RFTN1: variants seen among roughly 807,000 people sequenced by gnomAD.
The protein encoded by RFTN1 is raftlin, lipid raft linker 1, also known as raftlin.
A neutral mutation model predicts 46.5 loss-of-function variants in RFTN1; 26 were observed. The observed-to-expected ratio is 0.56, with a 90% CI of 0.41 to 0.78. The LOEUF (loss-of-function observed/expected upper bound fraction) is 0.78, where lower values mean the gene tolerates loss of function less well. Among genes scored for constraint, RFTN1 ranks in the 30% least tolerant of loss-of-function variants. The probability of loss-of-function intolerance (pLI) is 0.00; values close to 1 mark genes in which losing one functional copy is unlikely to be tolerated. For missense variants in RFTN1, 693 were observed against 718.7 expected (o/e 0.96, Z 0.41); for synonymous variants, 261 against 284.2 (o/e 0.92, Z 0.82).
intron 2 of RFTN1, among the ~76,000 whole-genome samples, chr3:16,454,263 T>C (rs929427115): frequency 6.6e-6 from 1 of 152,242 alleles, no homozygotes; most frequent in African/African-American, 2.4e-5. Flanking sequence ...TTGCCCCACA[T>C]TGGTCTTATC....
chr3:16,325,435 T>A (rs2069595619), intron 8 of RFTN1, among the ~76,000 whole-genome samples: 1 of 152,194 alleles, frequency 6.6e-6, no homozygotes, highest in South Asian at 2.1e-4. Flanking sequence ...TGGGCTTAGG[T>A]GGCTCAGAAC....
intron 6 of RFTN1, among the ~76,000 whole-genome samples, chr3:16,360,526 A>C (rs1309179111): frequency 2.0e-5 from 3 of 152,210 alleles, no homozygotes; most frequent in Non-Finnish European, 4.4e-5. Flanking sequence ...TGATATGCAA[A>C]AGTTTACAGT....
intron 2 of RFTN1, among the ~76,000 whole-genome samples, chr3:16,445,290 A>C (rs953885790): frequency 6.6e-6 from 1 of 152,140 alleles, no homozygotes; most frequent in Non-Finnish European, 1.5e-5. Context: ...AATTCAAGGA[A>C]GAGAAAAAGA....
chr3:16,335,554 G>C lies in RFTN1; in HGVS notation c.1147-8678C>G, dbSNP rs2070761310. 6.6e-6 allele frequency among the ~76,000 whole-genome samples: 1 copy of C among 152,198 alleles called. No individual in the cohort carries two copies. Among genetic ancestry groups the C allele is most frequent in the African/African-American group, 2.4e-5 (1 of 41,436 alleles). On this transcript the variant is annotated intron_variant, in intron 7 of 9. Transcript: ENST00000334133. This position sits in a 1 kb window ranked among gnomAD's most constrained non-coding sequence, Gnocchi z 4.7. ...CATGTTCTCACTTACAAGTGGGAGA[G>C]CTGAACGGTGAAAACACATGTGAAA...
Position 16,370,257 on chromosome 3 carries a change from G to A in RFTN1, c.849C>T (p.Phe283=), listed in dbSNP as rs1407829256. 6.2e-6 allele frequency: 10 copies of A among 1,614,074 alleles called. No homozygotes were observed. The African/African-American group carries it at 1.3e-4, about 22-fold the overall frequency. The change falls in exon 6 of 10, where the codon TTC becomes TTT. Residue 283 remains phenylalanine (F), a synonymous_variant. Transcript: ENST00000334133. This position sits in a 1 kb window ranked among gnomAD's most constrained non-coding sequence, Gnocchi z 5.5. ...LSGKMEIFTL[F]NKPKSHQKCR... The stretch of plus-strand genomic sequence containing the variant: ...ACTTCTGATGGCTCTTCGGTTTGTT[G>A]AAAAGGGTGAAGATCTCCATTTCTG...
intron 4 of RFTN1, among the ~76,000 whole-genome samples, chr3:16,389,197 A>C (rs1292927925): frequency 6.6e-6 from 1 of 152,238 alleles, no homozygotes; most frequent in Non-Finnish European, 1.5e-5. Flanking sequence ...TTGCTATCCT[A>C]GTTTTAACCC....
At chr3:16,319,810 G>A (rs979646297) in intron 9 of RFTN1, among the ~76,000 whole-genome samples, 2 of 152,248 alleles carry the variant, frequency 1.3e-5, no homozygotes, top group South Asian at 2.1e-4. Flanking sequence ...GGCCTGGACT[G>A]TGCCAGATTT....
intron 1 of RFTN1, among the ~76,000 whole-genome samples, chr3:16,497,478 T>C (rs1197706761): frequency 6.6e-6 from 1 of 152,222 alleles, no homozygotes; most frequent in Non-Finnish European, 1.5e-5. Context: ...CAGCTTCTAA[T>C]GGGTAGCGGC....
At chr3:16,492,280 C>T (rs138696198) in intron 2 of RFTN1, among the ~76,000 whole-genome samples, 1 of 152,298 alleles carries the variant, frequency 6.6e-6, no homozygotes, top group East Asian at 1.9e-4. Flanking sequence ...CAATTGGAGC[C>T]TCCGCACGGA....
Position 16,481,051 on chromosome 3 carries a change from G to A in RFTN1, c.145+12674C>T, listed in dbSNP as rs1027873991. 6.6e-6 allele frequency among the ~76,000 whole-genome samples: 1 copy of A among 150,490 alleles called. No homozygotes were observed. The highest frequency in any genetic ancestry group is 1.5e-5 in the Non-Finnish European group (1 of 67,782). On this transcript the variant is annotated intron_variant, in intron 2 of 9. Transcript: ENST00000334133. The surrounding 1 kb of genome is among the most constrained non-coding windows in gnomAD (Gnocchi z 5.1). ...CACACCTGAGCCCATTTTCATACAA[G>A]ACTGAGTAGTGTTGCTTCTTGGTCT...
intron 2 of RFTN1, among the ~76,000 whole-genome samples, chr3:16,469,767 T>G (rs2076162898): frequency 6.6e-6 from 1 of 152,186 alleles, no homozygotes; most frequent in Non-Finnish European, 1.5e-5. Context: ...TTTCCCTCCT[T>G]GCACAACAGC....
intron 4 of RFTN1, among the ~76,000 whole-genome samples, chr3:16,398,052 C>A (rs1027637775): frequency 1.3e-5 from 2 of 151,894 alleles, no homozygotes. Context: ...CGAGACCAGC[C>A]TGCCCAAAAT....
chr3:16,494,818 T>C lies in RFTN1; in HGVS notation c.-8-941A>G, dbSNP rs1385917111. 2.6e-5 allele frequency among the ~76,000 whole-genome samples: 4 copies of C among 152,244 alleles called. No individual in the cohort carries two copies. In the East Asian group the frequency reaches 7.7e-4, roughly 29 times the overall value. ...GGATAAACGATGCTTTCCTCCTCTC[T>C]GGGGTACCACTGCTGCCATCAGAAC... is the stretch of plus-strand genomic sequence containing the variant. On this transcript the variant is annotated intron_variant, in intron 1 of 9. Transcript: ENST00000334133.
At chr3:16,438,483 G>C (rs1308094157) in intron 2 of RFTN1, among the ~76,000 whole-genome samples, 1 of 150,526 alleles carries the variant, frequency 6.6e-6, no homozygotes, top group Non-Finnish European at 1.5e-5. Context: ...TACTCAGGGG[G>C]CTGAGGAGGG....
Position 16,341,091 on chromosome 3 carries a change from A to C in RFTN1, c.1147-14215T>G, listed in dbSNP as rs747309990. Reference sequence around the variant, plus strand: ...ACATCATATGTCATTAGGGAAATGCAAATAAGACAGTCCACCTTAGAATGA... The same window carrying C: ...ACATCATATGTCATTAGGGAAATGCCAATAAGACAGTCCACCTTAGAATGA... On this transcript the variant is annotated intron_variant, in intron 7 of 9. Transcript: ENST00000334133. The surrounding 1 kb of genome is among the most constrained non-coding windows in gnomAD (Gnocchi z 4.7). Among the ~76,000 whole-genome samples, 1 of 152,256 alleles carries C rather than the reference A, an allele frequency of 6.6e-6. No homozygotes were observed. The highest frequency in any genetic ancestry group is 1.5e-5 in the Non-Finnish European group (1 of 68,040).
Position 16,345,122 on chromosome 3 carries a change from T to G in RFTN1, c.1146+12810A>C, listed in dbSNP as rs2071555485. The G allele has an allele frequency of 1.3e-5, 2 of 152,244 alleles. No individual in the cohort carries two copies. Among genetic ancestry groups the G allele is most frequent in the Admixed American group, 6.5e-5 (1 of 15,282 alleles). 9.4% of individuals were successfully genotyped at this position (152,244 alleles called of 1,614,324 possible). On this transcript the variant is annotated intron_variant, in intron 7 of 9. Coordinates refer to ENST00000334133, the MANE Select transcript of RFTN1 (RefSeq NM_015150.2). This position sits in a 1 kb window ranked among gnomAD's most constrained non-coding sequence, Gnocchi z 5.2. ...AACCTAAGTGAGCTTGGAAGTGGAT[T>G]CTTCCCCACCAAAACCTCTAATAAG...
At chr3:16,476,103 AGTCT>A (rs1310458935) in intron 2 of RFTN1, among the ~76,000 whole-genome samples, 5 of 152,214 alleles carry the variant, frequency 3.3e-5, no homozygotes, top group Non-Finnish European at 7.3e-5. Context: ...TTCTGATCCA[AGTCT>A]GACCTGTGTG....
chr3:16,410,986 C>T lies in RFTN1; in HGVS notation c.333-1503G>A, dbSNP rs889443042. 1.3e-5 allele frequency among the ~76,000 whole-genome samples: 2 copies of T among 152,200 alleles called. No homozygotes were observed. Among genetic ancestry groups the T allele is most frequent in the East Asian group, 3.8e-4 (2 of 5,200 alleles). On this transcript the variant is annotated intron_variant, in intron 3 of 9. Coordinates refer to ENST00000334133, the MANE Select transcript of RFTN1 (RefSeq NM_015150.2). This position sits in a 1 kb window ranked among gnomAD's most constrained non-coding sequence, Gnocchi z 4.6. ...GTACTGCAGCTAAAGGCTGGCAGAA[C>T]GTGCTGTCTCTTCTAGGTGGCTGGT...
chr3:16,507,366 A>G lies in RFTN1; in HGVS notation c.-9+6076T>C, dbSNP rs1309887343. Among the ~76,000 whole-genome samples the G allele has an allele frequency of 6.6e-6, 1 of 152,198 alleles. No individual in the cohort carries two copies. Among genetic ancestry groups the G allele is most frequent in the Non-Finnish European group, 1.5e-5 (1 of 68,040 alleles). The stretch of plus-strand genomic sequence containing the variant: ...CCAAAAGACCTCTCTAAATTAAAGA[A>G]GTGTTTAAATAAACAACCTGATTTC... On this transcript the variant is annotated intron_variant, in intron 1 of 9. Transcript: ENST00000334133. The surrounding 1 kb of genome is among the most constrained non-coding windows in gnomAD (Gnocchi z 7.1).
Sources: allele counts gnomAD v4.1 joint callset (sites outside exome capture counted in the v4.1 genomes callset), GRCh38; gene constraint gnomAD v4.1.1; non-coding constraint Gnocchi (gnomAD v3.1); transcripts MANE v1.5; gene names NCBI Gene and HGNC (gene_info 2026-07-23, HGNC 2026-07-21).